The following SLC22A24 variants were observed in gnomAD, a reference collection of about 807,000 sequenced individuals.
SLC22A24 encodes the protein solute carrier family 22 member 24, also known as steroid transmembrane transporter SLC22A24.
A neutral mutation model predicts 49.8 loss-of-function variants in SLC22A24; 53 were observed. The observed-to-expected ratio is 1.06, with a 90% CI of 0.85 to 1.34. The LOEUF (loss-of-function observed/expected upper bound fraction) is 1.34. Among genes scored for constraint, SLC22A24 ranks in the 40% most tolerant of loss-of-function variants. The pLI, the probability that SLC22A24 is intolerant of heterozygous loss-of-function variation, is 0.00. For synonymous variants in SLC22A24, 302 were observed against 256.4 expected (o/e 1.18, Z -1.70); for missense variants, 786 against 675.9 (o/e 1.16, Z -1.81).
At chr11:63,135,214 T>A (rs1401889238) in intron 1 of SLC22A24, among the ~76,000 whole-genome samples, 2 of 152,194 alleles carry the variant, frequency 1.3e-5, no homozygotes, top group Non-Finnish European at 2.9e-5. Context: ...ACATATGAGC[T>A]CTACCTTTGA....
intron 6 of SLC22A24, among the ~76,000 whole-genome samples, chr11:63,087,024 G>GCACGCACA (rs1555045312): frequency 3.0e-5 from 4 of 132,556 alleles, no homozygotes; most frequent in Non-Finnish European, 4.6e-5. Context: ...CCTGGAGGGC[G>GCACGCACA]CACACACACA....
intron 8 of SLC22A24, 23 bp downstream of exon 8, chr11:63,081,535 C>T: frequency 6.7e-7 from 1 of 1,496,120 alleles, no homozygotes; most frequent in Non-Finnish European, 9.1e-7. Flanking sequence ...GTTTTGAAAC[C>T]AGATGGTCTT....
chr11:63,093,587 C>T (rs562581173), intron 6 of SLC22A24, among the ~76,000 whole-genome samples: 5 of 152,022 alleles, frequency 3.3e-5, no homozygotes, highest in Non-Finnish European at 7.4e-5. Context: ...CAAACTAATG[C>T]AGAAACAGAA....
chr11:63,109,120 A>G (rs1357330861), intron 4 of SLC22A24, among the ~76,000 whole-genome samples: 2 of 149,886 alleles, frequency 1.3e-5, no homozygotes, highest in East Asian at 4.0e-4. Context: ...TCTTGCGATA[A>G]TTTACTGAGA....
At chr11:63,084,332 A>T (rs2086975588) in intron 6 of SLC22A24, among the ~76,000 whole-genome samples, 1 of 152,136 alleles carries the variant, frequency 6.6e-6, no homozygotes, top group Non-Finnish European at 1.5e-5. Context: ...TAAGGTAGGG[A>T]TGCCTGTATT....
chr11:63,123,306 C>G (rs563320055), intron 2 of SLC22A24, among the ~76,000 whole-genome samples: 1 of 152,206 alleles, frequency 6.6e-6, no homozygotes, highest in South Asian at 2.1e-4. Context: ...TAAGAGAATG[C>G]CAATGCCAGT....
At chr11:63,107,288 T>C (rs528342805) in intron 4 of SLC22A24, among the ~76,000 whole-genome samples, 2 of 152,298 alleles carry the variant, frequency 1.3e-5, no homozygotes, top group East Asian at 3.9e-4. Context: ...TCCATTGGTC[T>C]ATATCTCTGT....
chr11:63,096,103 C>G lies in SLC22A24; in HGVS notation c.958G>C (p.Val320Leu), dbSNP rs376030248. ...NTEETLTTEL[V>L]RSTMKKELDA... is the part of the protein sequence containing the mutation. ...AACTCCTTCTTCATGGTGGATCTCA[C>G]AAGCTTCAGCAACAAAAATAACAAC... Residue 320 changes from valine (V) to leucine (L), a missense_variant, in exon 6 of 10, where the codon GTG (valine) becomes CTG (leucine). Physicochemically the swap from Val to Leu is conservative, Grantham distance 32 (BLOSUM62 1). Transcript: ENST00000612278. The G allele has an allele frequency of 4.8e-5, 74 of 1,540,998 alleles. No homozygotes were observed. The highest frequency in any genetic ancestry group is 1.6e-4 in the Admixed American group (8 of 50,914).
intron 4 of SLC22A24, among the ~76,000 whole-genome samples, chr11:63,114,648 A>G (rs969805280): frequency 6.6e-6 from 1 of 152,216 alleles, no homozygotes; most frequent in African/African-American, 2.4e-5. Flanking sequence ...TCTGGTTTTT[A>G]GAATTTTCAG....
At position 63,128,266 on chromosome 11, in the gene SLC22A24, C is replaced by T. The variant is rs149853315; in HGVS notation, c.506+6399G>A. Among the ~76,000 whole-genome samples the T allele has an allele frequency of 2.7e-3, 406 of 152,096 alleles. 1 individual carries two copies. Among genetic ancestry groups the T allele is most frequent in the African/African-American group, 8.8e-3 (367 of 41,486 alleles). On this transcript the variant is annotated intron_variant, in intron 2 of 9. Transcript: ENST00000612278. ...ACAAGAGTGTGAGCCTTCTGTCATGCCTGGACAGGGCCACCAGAGGGCTCC... is the reference window on the plus strand; with the variant it reads ...ACAAGAGTGTGAGCCTTCTGTCATGTCTGGACAGGGCCACCAGAGGGCTCC...
Position 63,118,764 on chromosome 11 carries a change from G to T in SLC22A24, c.830+148C>A, listed in dbSNP as rs774155239. On this transcript the variant is annotated intron_variant, in intron 4 of 9. Transcript: ENST00000612278. ...ACATATAGTGTCATCCTATTCCATT[G>T]TTTGCTTCTCAGGTGACACAATAGG... The T allele has an allele frequency of 1.8e-5, 14 of 795,250 alleles. No individual in the cohort carries two copies. In the South Asian group the frequency reaches 2.1e-4, roughly 12 times the overall value. The allele number at this position is 795,250 out of a possible 1,614,324, so 49.3% of individuals were successfully genotyped here. A position where few individuals can be genotyped will look rare whatever the true frequency, so the allele number is the denominator to read the frequency against.
At chr11:63,088,396 A>AACATCAACATCAACATCAACATC (rs1565323297) in intron 6 of SLC22A24, among the ~76,000 whole-genome samples, 67 of 16,320 alleles carry the variant, frequency 4.1e-3, no homozygotes, top group African/African-American at 9.2e-3. Flanking sequence ...ACATCAACAT[A>AACATCAACATCAACATCAACATC]AAGGACTCCA....
intron 5 of SLC22A24, 65 bp downstream of exon 5, chr11:63,104,110 A>G: frequency 6.6e-7 from 1 of 1,521,570 alleles, no homozygotes; most frequent in South Asian, 1.2e-5. Flanking sequence ...AGGAACCTAG[A>G]CTAGTATGAT....
chr11:63,137,258 G>C (rs2087382012), intron 1 of SLC22A24, among the ~76,000 whole-genome samples: 1 of 152,212 alleles, frequency 6.6e-6, no homozygotes, highest in African/African-American at 2.4e-5. Flanking sequence ...TAGAAGGATA[G>C]TTTGGAAGGG....
At chr11:63,098,938 C>A (rs1253112847) in intron 5 of SLC22A24, among the ~76,000 whole-genome samples, 1 of 151,866 alleles carries the variant, frequency 6.6e-6, no homozygotes, top group Non-Finnish European at 1.5e-5. Context: ...ACATTACAAC[C>A]AATACTGCAG....
At chr11:63,107,947 C>G (rs113451614) in intron 4 of SLC22A24, among the ~76,000 whole-genome samples, 4,314 of 152,092 alleles carry the variant, frequency 0.028, 191 homozygotes, top group African/African-American at 0.099. Flanking sequence ...CCTAATTGCC[C>G]TGGCCAGAAC....
At chr11:63,118,505 C>T (rs933053325) in intron 4 of SLC22A24, 1 of 305,590 alleles carries the variant, frequency 3.3e-6, no homozygotes. Flanking sequence ...GTGCTAGAGA[C>T]AGCATGCTCT....
At chr11:63,099,424 T>A (rs1170245797) in intron 5 of SLC22A24, among the ~76,000 whole-genome samples, 1 of 130,074 alleles carries the variant, frequency 7.7e-6, no homozygotes, top group East Asian at 2.6e-4. Context: ...CTATGTTGCC[T>A]AGGCTGGTCT....
At chr11:63,117,759 C>T (rs919960776) in intron 4 of SLC22A24, among the ~76,000 whole-genome samples, 1 of 152,106 alleles carries the variant, frequency 6.6e-6, no homozygotes, top group Non-Finnish European at 1.5e-5. Context: ...ATATAACACA[C>T]AGAATATGTG....
Sources: allele counts gnomAD v4.1 joint callset (sites outside exome capture counted in the v4.1 genomes callset), GRCh38; gene constraint gnomAD v4.1.1; transcripts MANE v1.5; gene names NCBI Gene and HGNC (gene_info 2026-07-23, HGNC 2026-07-21).